ZFHX4: variants seen among roughly 807,000 people sequenced by gnomAD.
ZFHX4 encodes zinc finger homeobox protein 4.
A neutral mutation model predicts 267.6 loss-of-function variants in ZFHX4; 56 were observed. The ratio of observed to expected loss-of-function variants is 0.21; its 90% CI spans 0.17 to 0.26. The LOEUF is 0.26. Ranked by LOEUF, ZFHX4 falls within the 10% of genes least tolerant of loss-of-function variation. The pLI is 1.00. For synonymous variants in ZFHX4, 1,778 were observed against 1,665.6 expected (o/e 1.07, Z -1.64); for missense variants, 4,332 against 4,420.0 (o/e 0.98, Z 0.56).
At chr8:76,783,469 G>C (rs941468756) in intron 4 of ZFHX4, among the ~76,000 whole-genome samples, 1 of 151,878 alleles carries the variant, frequency 6.6e-6, no homozygotes, top group Non-Finnish European at 1.5e-5. Context: ...ACAAACTCCA[G>C]TGTTGTTTTC....
chr8:76,783,143 A>C (rs1810596021), intron 4 of ZFHX4, among the ~76,000 whole-genome samples: 1 of 152,020 alleles, frequency 6.6e-6, no homozygotes, highest in Non-Finnish European at 1.5e-5. Flanking sequence ...GGATGTACAT[A>C]AATGATAGTG....
At chr8:76,822,952 T>A (rs1811692648) in intron 4 of ZFHX4, among the ~76,000 whole-genome samples, 1 of 152,154 alleles carries the variant, frequency 6.6e-6, no homozygotes, top group East Asian at 1.9e-4. Flanking sequence ...AACTTATATG[T>A]TTACTAAACC....
At chr8:76,716,239 CA>C (rs547827026) in intron 3 of ZFHX4, among the ~76,000 whole-genome samples, 5 of 150,384 alleles carry the variant, frequency 3.3e-5, no homozygotes, top group South Asian at 2.1e-4. Context: ...AAGAATTTTA[CA>C]AAAAAAAACC....
intron 3 of ZFHX4, among the ~76,000 whole-genome samples, chr8:76,776,655 T>C (rs1279115939): frequency 6.6e-6 from 1 of 152,192 alleles, no homozygotes; most frequent in Non-Finnish European, 1.5e-5. Flanking sequence ...TCAGAATTTG[T>C]TTTTGCAGGT....
intron 10 of ZFHX4, among the ~76,000 whole-genome samples, chr8:76,862,482 G>A (rs1812896793): frequency 1.3e-5 from 2 of 152,188 alleles, no homozygotes; most frequent in African/African-American, 4.8e-5. Flanking sequence ...TCCTAGTAAT[G>A]AATGGCTCTG....
At position 76,705,429 on chromosome 8, in the gene ZFHX4, G is replaced by T; in HGVS notation, c.1341G>T (p.Arg447Ser). Residue 447 changes from arginine to serine, a missense_variant, in exon 2 of 11, where the codon AGG becomes AGT. By Grantham distance (110) the Arg-to-Ser change is moderately radical. Transcript: ENST00000651372. ...ESKDQENNCE[R>S]PKESNVLHPN... ...AAGACCAAGAGAACAACTGTGAAAG[G>T]CCAAAAGAAAGCAACGTTTTACACC... 6.2e-7 allele frequency: 1 copy of T among 1,613,732 alleles called. No homozygotes were observed. Among genetic ancestry groups the T allele is most frequent in the Non-Finnish European group, 8.5e-7 (1 of 1,179,848 alleles).
chr8:76,701,125 A>G (rs1055756354), intron 1 of ZFHX4, among the ~76,000 whole-genome samples: 1 of 152,144 alleles, frequency 6.6e-6, no homozygotes, highest in African/African-American at 2.4e-5. Context: ...GATCTAAATA[A>G]CTTTTTATCT....
chr8:76,746,940 T>C (rs1452926934), intron 3 of ZFHX4, among the ~76,000 whole-genome samples: 2 of 152,336 alleles, frequency 1.3e-5, no homozygotes, highest in South Asian at 4.1e-4. Context: ...GTGTTGTGTT[T>C]ATAAACCCAT....
rs1050927817 is a variant in ZFHX4 at position 76,866,915 on chromosome 8, C to G, written c.*2350C>G. 2 of 152,550 alleles carry G rather than the reference C, an allele frequency of 1.3e-5. No homozygotes were observed. Among genetic ancestry groups the G allele is most frequent in the African/African-American group, 4.8e-5 (2 of 41,438 alleles). 9.4% of individuals were successfully genotyped at this position (152,550 alleles called of 1,614,324 possible). ...TTTTCCTGGATATCAAAGGGATTAT[C>G]ACAGCGCAATCATTGTCTACACAAC... is the stretch of plus-strand genomic sequence containing the variant. On this transcript the variant is annotated 3_prime_UTR_variant, in exon 11 of 11. Transcript: ENST00000651372.
At position 76,744,928 on chromosome 8, in the gene ZFHX4, A is replaced by G. The variant is rs138049323; in HGVS notation, c.3094-33280A>G. ...CCAATCTGGGAGTTTCTATTTCTAGACAAGAGCCTGGAAATCTGGTTTTTG... is the reference window on the plus strand; with the variant it reads ...CCAATCTGGGAGTTTCTATTTCTAGGCAAGAGCCTGGAAATCTGGTTTTTG... On this transcript the variant is annotated intron_variant, in intron 3 of 10. Coordinates refer to ENST00000651372, the MANE Select transcript of ZFHX4 (RefSeq NM_024721.5). 7.8e-3 allele frequency among the ~76,000 whole-genome samples: 1,191 copies of G among 152,210 alleles called. 27 individuals carry two copies. Among genetic ancestry groups the G allele is most frequent in the African/African-American group, 0.027 (1,116 of 41,522 alleles).
chr8:76,762,339 G>A lies in ZFHX4; in HGVS notation c.3094-15869G>A, dbSNP rs146276611. Among the ~76,000 whole-genome samples, 7 of 152,286 alleles carry A rather than the reference G, an allele frequency of 4.6e-5. No individual in the cohort carries two copies. In the East Asian group the frequency reaches 1.4e-3, roughly 29 times the overall value. On this transcript the variant is annotated intron_variant, in intron 3 of 10. Coordinates refer to ENST00000651372, the MANE Select transcript of ZFHX4 (RefSeq NM_024721.5). ...ACAACATAAATAGTGAAGAATACAT[G>A]TAATAGTACAGGAAGTCAGATTTAT...
chr8:76,759,418 C>T (rs936355157), intron 3 of ZFHX4, among the ~76,000 whole-genome samples: 1 of 152,214 alleles, frequency 6.6e-6, no homozygotes, highest in Non-Finnish European at 1.5e-5. Context: ...TTTTCACTCT[C>T]TTGGCATCAA....
rs535115262 is a variant in ZFHX4 at position 76,774,314 on chromosome 8, T to G, written c.3094-3894T>G. On this transcript the variant is annotated intron_variant, in intron 3 of 10. Coordinates refer to ENST00000651372, the MANE Select transcript of ZFHX4 (RefSeq NM_024721.5). ...CATCAGGAAGAAATGAGTGTGGTAA[T>G]TGGCTTTGCCCAGGTTTGTGAATCT... Among the ~76,000 whole-genome samples, 7 of 152,300 alleles carry G rather than the reference T, an allele frequency of 4.6e-5. No individual in the cohort carries two copies. The East Asian group carries it at 1.3e-3, about 29-fold the overall frequency.
At chr8:76,693,652 GGTTTTA>G (rs1807880075) in intron 1 of ZFHX4, 1 of 152,132 alleles carries the variant, frequency 6.6e-6, no homozygotes, top group African/African-American at 2.4e-5. Flanking sequence ...AGCAAAGAAA[GGTTTTA>G]GTTGTTACAA....
At chr8:76,770,264 T>C (rs1393724457) in intron 3 of ZFHX4, among the ~76,000 whole-genome samples, 1 of 152,164 alleles carries the variant, frequency 6.6e-6, no homozygotes, top group Non-Finnish European at 1.5e-5. Flanking sequence ...CAACGTGTCC[T>C]TTATATTGCA....
At chr8:76,804,067 A>G (rs965641232) in intron 4 of ZFHX4, among the ~76,000 whole-genome samples, 14 of 152,118 alleles carry the variant, frequency 9.2e-5, no homozygotes, top group African/African-American at 3.1e-4. Context: ...TTTCCTTTTG[A>G]TGTTTCCAAA....
intron 3 of ZFHX4, among the ~76,000 whole-genome samples, chr8:76,736,278 G>GA (rs1165699647): frequency 2.0e-5 from 3 of 151,070 alleles, no homozygotes; most frequent in Admixed American, 1.3e-4. Flanking sequence ...GTCAAGCCTT[G>GA]AAAAAAAACG....
chr8:76,706,459 C>T lies in ZFHX4; in HGVS notation c.2371C>T (p.His791Tyr). ...CCGAATTCATATGACCAGCGAAAAG[C>T]ACATGCATAATATGATGCTTTTGCA... ...NLRIHMTSEK[H>Y]MHNMMLLQQN... The change falls in exon 2 of 11, where the codon CAC becomes TAC. Residue 791 changes from histidine (H) to tyrosine (Y), a missense_variant. His to Tyr is a moderately conservative substitution (Grantham distance 83). Transcript: ENST00000651372. 1 of 1,614,122 alleles carries T rather than the reference C, an allele frequency of 6.2e-7. No homozygotes were observed. Among genetic ancestry groups the T allele is most frequent in the Non-Finnish European group, 8.5e-7 (1 of 1,179,990 alleles).
intron 3 of ZFHX4, among the ~76,000 whole-genome samples, chr8:76,762,638 A>T (rs1019387370): frequency 6.6e-6 from 1 of 152,336 alleles, no homozygotes; most frequent in South Asian, 2.1e-4. Flanking sequence ...ACTACTCGTC[A>T]CAGTTCAAAT....
Sources: gnomAD v4.1 joint callset for allele counts (sites outside exome capture counted in the v4.1 genomes callset) on GRCh38, gnomAD v4.1.1 for gene constraint, MANE v1.5 for transcripts, NCBI Gene and HGNC (gene_info 2026-07-23, HGNC 2026-07-21) for gene names.